Variants in ARMH3 observed in about 807,000 individuals in gnomAD.
ARMH3 encodes armadillo-like helical domain-containing protein 3.
Under a neutral mutation model 99.1 loss-of-function variants are expected in ARMH3, and 60 were observed. The observed-to-expected ratio is 0.61, with a 90% CI of 0.49 to 0.75. The LOEUF (loss-of-function observed/expected upper bound fraction) is 0.75, where lower values mean the gene tolerates loss of function less well. Among genes scored for constraint, ARMH3 ranks in the 30% least tolerant of loss-of-function variants. ARMH3 has a pLI of 0.00. For missense variants in ARMH3, 679 were observed against 843.1 expected, an observed-to-expected ratio of 0.81 and a Z score of 2.41; for synonymous variants, 285 against 292.8, an observed-to-expected ratio of 0.97 and a Z score of 0.27.
intron 4 of ARMH3, 148 bp from the exon 5 acceptor site, chr10:102,029,893 GT>G: frequency 1.3e-6 from 1 of 770,788 alleles, no homozygotes; most frequent in Non-Finnish European, 2.0e-6. Flanking sequence ...AGTTTTTTTG[GT>G]TTTTTCCGTT....
At chr10:101,934,879 G>C (rs1843884592) in intron 23 of ARMH3, among the ~76,000 whole-genome samples, 1 of 151,938 alleles carries the variant, frequency 6.6e-6, no homozygotes, top group African/African-American at 2.4e-5. Context: ...CCAAGTGTTG[G>C]CAGGAAATAT....
chr10:101,937,616 A>C (rs1331843791), intron 23 of ARMH3, among the ~76,000 whole-genome samples: 1 of 152,142 alleles, frequency 6.6e-6, no homozygotes, highest in Non-Finnish European at 1.5e-5. Flanking sequence ...CAACATCTTT[A>C]AGACTCAGTT....
At position 102,029,422 on chromosome 10, in the gene ARMH3, G is replaced by T. The variant is rs774457226; in HGVS notation, c.414+216C>A. 41 of 1,525,794 alleles carry T rather than the reference G, an allele frequency of 2.7e-5. No homozygotes were observed. In the South Asian group the frequency reaches 4.7e-4, roughly 17 times the overall value. The allele number at this position is 1,525,794 out of a possible 1,614,324, so 94.5% of individuals were successfully genotyped here. Reference sequence around the variant, plus strand: ...AAATAAACTATTCTGTCTTTATCCCGCAGGGAAAGAATACCTCCATTCAAA... The same window carrying T: ...AAATAAACTATTCTGTCTTTATCCCTCAGGGAAAGAATACCTCCATTCAAA... On this transcript the variant is annotated intron_variant, in intron 5 of 25. Transcript: ENST00000370033.
chr10:101,903,619 T>C (rs2135509065), intron 23 of ARMH3, among the ~76,000 whole-genome samples: 1 of 152,304 alleles, frequency 6.6e-6, no homozygotes, highest in African/African-American at 2.4e-5. Flanking sequence ...TGTGGGCACA[T>C]TTTCTTACAG....
Position 101,988,377 on chromosome 10 carries a change from T to C in ARMH3, c.1406+2174A>G, listed in dbSNP as rs371143275. Among the ~76,000 whole-genome samples the C allele has an allele frequency of 7.2e-5, 11 of 152,076 alleles. No homozygotes were observed. In the East Asian group the frequency reaches 2.1e-3, roughly 29 times the overall value. ...TAAAATAAGCCAGAAATAAAGTCCA[T>C]AGCAAAAACAAATCTGAACCCTAAG... On this transcript the variant is annotated intron_variant, in intron 19 of 25. Transcript: ENST00000370033.
chr10:101,871,608 CG>C (rs903237437), intron 24 of ARMH3, among the ~76,000 whole-genome samples: 2 of 151,554 alleles, frequency 1.3e-5, no homozygotes, highest in East Asian at 3.9e-4. Flanking sequence ...GAATATTTGG[CG>C]GGGGGGAAAG....
chr10:101,970,161 CT>C (rs1280004825), intron 20 of ARMH3, among the ~76,000 whole-genome samples: 1 of 152,236 alleles, frequency 6.6e-6, no homozygotes, highest in African/African-American at 2.4e-5. Flanking sequence ...ACACTTCTCT[CT>C]GCACATCCTG....
intron 23 of ARMH3, among the ~76,000 whole-genome samples, chr10:101,924,230 G>A (rs1843414222): frequency 6.6e-6 from 1 of 152,150 alleles, no homozygotes; most frequent in African/African-American, 2.4e-5. Context: ...TTGCATATAG[G>A]TTAGTTTAAA....
chr10:101,879,165 C>T (rs1264340533), intron 24 of ARMH3, among the ~76,000 whole-genome samples: 1 of 152,114 alleles, frequency 6.6e-6, no homozygotes, highest in Non-Finnish European at 1.5e-5. Flanking sequence ...ATATCTGACA[C>T]ACTTAGGTTG....
intron 23 of ARMH3, among the ~76,000 whole-genome samples, chr10:101,909,894 T>A (rs1842796733): frequency 6.6e-6 from 1 of 152,154 alleles, no homozygotes; most frequent in Non-Finnish European, 1.5e-5. Context: ...TTCATATTGA[T>A]TATATGTTAG....
chr10:102,052,759 T>C (rs2067737658), intron 1 of ARMH3, among the ~76,000 whole-genome samples: 1 of 152,138 alleles, frequency 6.6e-6, no homozygotes, highest in African/African-American at 2.4e-5. Flanking sequence ...ACATTTTTTT[T>C]TCCCCAAGAC....
At chr10:101,946,188 C>CA (rs1488015741) in intron 22 of ARMH3, among the ~76,000 whole-genome samples, 1 of 143,824 alleles carries the variant, frequency 7.0e-6, no homozygotes, top group Non-Finnish European at 1.5e-5. Context: ...AAAGAAAAGA[C>CA]AAAAAACAGA....
chr10:101,992,231 C>G (rs1846832153), intron 17 of ARMH3, among the ~76,000 whole-genome samples, 193 bp from the exon 18 acceptor site: 1 of 152,214 alleles, frequency 6.6e-6, no homozygotes, highest in South Asian at 2.1e-4. Flanking sequence ...GTGAATGCTT[C>G]AGTTATCAAT....
At chr10:101,967,782 T>G (rs1845602240) in intron 20 of ARMH3, among the ~76,000 whole-genome samples, 1 of 152,186 alleles carries the variant, frequency 6.6e-6, no homozygotes, top group Middle Eastern at 3.4e-3. Context: ...CTTTTCAGAA[T>G]ACAGGCATCT....
At chr10:101,946,899 C>A (rs866301500) in intron 22 of ARMH3, among the ~76,000 whole-genome samples, 8 of 151,492 alleles carry the variant, frequency 5.3e-5, no homozygotes, top group Non-Finnish European at 8.9e-5. Flanking sequence ...AAAAAAAAAA[C>A]CTTTTAAGAA....
intron 20 of ARMH3, among the ~76,000 whole-genome samples, chr10:101,959,807 T>C (rs1845198084): frequency 6.6e-6 from 1 of 152,198 alleles, no homozygotes; most frequent in Non-Finnish European, 1.5e-5. Flanking sequence ...CCAGAGTGGC[T>C]TGCATTCTGC....
chr10:101,960,038 C>T (rs548998008), intron 20 of ARMH3, among the ~76,000 whole-genome samples: 3 of 152,138 alleles, frequency 2.0e-5, no homozygotes, highest in East Asian at 1.9e-4. Flanking sequence ...ATTAGCTGGG[C>T]GTGGCGGTGT....
At chr10:101,954,383 G>A (rs1196728384) in intron 22 of ARMH3, among the ~76,000 whole-genome samples, 1 of 152,152 alleles carries the variant, frequency 6.6e-6, no homozygotes, top group Non-Finnish European at 1.5e-5. Context: ...ACTGATAGAT[G>A]CAATGACAAG....
intron 15 of ARMH3, among the ~76,000 whole-genome samples, chr10:101,996,688 T>G (rs1023528379): frequency 8.6e-6 from 1 of 116,616 alleles, no homozygotes; most frequent in Non-Finnish European, 1.9e-5. Flanking sequence ...ATTAAAGTGT[T>G]TATGAATACA....
Sources: gnomAD v4.1 joint callset for allele counts (sites outside exome capture counted in the v4.1 genomes callset) on GRCh38, gnomAD v4.1.1 for gene constraint, MANE v1.5 for transcripts, NCBI Gene and HGNC (gene_info 2026-07-23, HGNC 2026-07-21) for gene names.